The following PCNX2 variants were observed in gnomAD, a reference collection of about 807,000 sequenced individuals.
PCNX2 encodes the protein pecanex 2, also known as pecanex-like protein 2.
Under a neutral mutation model 223.8 loss-of-function variants are expected in PCNX2, and 168 were observed. The observed-to-expected ratio is 0.75, with a 90% CI of 0.66 to 0.85. The LOEUF (loss-of-function observed/expected upper bound fraction) is 0.85, where lower values mean the gene tolerates loss of function less well. Among genes scored for constraint, PCNX2 ranks in the 40% least tolerant of loss-of-function variants. The probability of loss-of-function intolerance (pLI) is 0.00; values close to 1 mark genes in which losing one functional copy is unlikely to be tolerated. For missense variants in PCNX2, 2,507 were observed against 2,675.5 expected (o/e 0.94, Z 1.39); for synonymous variants, 1,006 against 1,052.6 (o/e 0.96, Z 0.86).
rs905558909 is a variant in PCNX2, at chr1:233,261,956, A to G, written c.480+89T>C. On this transcript the variant is annotated intron_variant, in intron 3 of 33. Coordinates refer to ENST00000258229, the MANE Select transcript of PCNX2 (RefSeq NM_014801.4). Reference sequence around the variant, plus strand: ...GGCCAGTGATTACAGCATGCAAGCTACAATCACTGCTGCTGAACACTCCCA... The same window carrying G: ...GGCCAGTGATTACAGCATGCAAGCTGCAATCACTGCTGCTGAACACTCCCA... 9 of 1,545,582 alleles carry G rather than the reference A, an allele frequency of 5.8e-6. No homozygotes were observed. In the Admixed American group the frequency reaches 1.5e-4, roughly 26 times the overall value.
intron 23 of PCNX2, chr1:233,057,564 C>G: frequency 2.9e-6 from 1 of 345,320 alleles, no homozygotes; most frequent in Non-Finnish European, 5.4e-6. Context: ...AGCACCAGAT[C>G]TGCAAAATCA....
At chr1:233,122,113 GA>G (rs1675834241) in intron 21 of PCNX2, among the ~76,000 whole-genome samples, 1 of 111,890 alleles carries the variant, frequency 8.9e-6, no homozygotes, top group Non-Finnish European at 2.1e-5. Context: ...CACACAGAGG[GA>G]GAGAGAGAGA....
At chr1:233,284,749 C>T (rs1429698896) in intron 1 of PCNX2, among the ~76,000 whole-genome samples, 1 of 152,146 alleles carries the variant, frequency 6.6e-6, no homozygotes, top group Non-Finnish European at 1.5e-5. Flanking sequence ...TAGAATTGCA[C>T]TATCCTTCCC....
At chr1:233,277,621 G>A (rs1485873509) in intron 1 of PCNX2, among the ~76,000 whole-genome samples, 2 of 152,176 alleles carry the variant, frequency 1.3e-5, no homozygotes, top group Non-Finnish European at 2.9e-5. Flanking sequence ...TCCTATCTTG[G>A]CGTCAAGGCA....
chr1:233,125,400 G>A (rs1361583812), intron 21 of PCNX2, among the ~76,000 whole-genome samples: 1 of 152,190 alleles, frequency 6.6e-6, no homozygotes, highest in Admixed American at 6.5e-5. Flanking sequence ...ATCCTTTCAA[G>A]AGCATCCTCT....
chr1:233,002,697 T>A (rs1263552500), intron 28 of PCNX2, among the ~76,000 whole-genome samples: 2 of 152,070 alleles, frequency 1.3e-5, no homozygotes, highest in Non-Finnish European at 2.9e-5. Flanking sequence ...GTATAGCCAA[T>A]ACAATCCTAA....
chr1:233,069,808 T>C (rs11484500), intron 23 of PCNX2, among the ~76,000 whole-genome samples: 40,435 of 151,856 alleles, frequency 0.27, 7,012 homozygotes, highest in African/African-American at 0.49. Flanking sequence ...TCATAGTCTA[T>C]GGTCCCACCC....
intron 12 of PCNX2, among the ~76,000 whole-genome samples, chr1:233,214,747 T>G (rs979790347): frequency 1.3e-5 from 2 of 152,194 alleles, no homozygotes; most frequent in Non-Finnish European, 2.9e-5. Context: ...AGTATCCAAC[T>G]CCTAATCTTT....
chr1:233,262,887 G>A, intron 2 of PCNX2, 71 bp downstream of exon 2: 3 of 1,454,714 alleles, frequency 2.1e-6, no homozygotes, highest in Non-Finnish European at 2.9e-6. Flanking sequence ...CATAAACACT[G>A]ATAAAAAACT....
At chr1:233,012,277 C>T (rs1370273275) in intron 28 of PCNX2, among the ~76,000 whole-genome samples, 3 of 152,022 alleles carry the variant, frequency 2.0e-5, no homozygotes, top group East Asian at 3.8e-4. Context: ...AATAGAAATC[C>T]CAGCTGTTGG....
intron 21 of PCNX2, among the ~76,000 whole-genome samples, chr1:233,106,347 C>CTTTT (rs912803573): frequency 2.3e-4 from 27 of 115,686 alleles, no homozygotes; most frequent in African/African-American, 4.8e-4. Flanking sequence ...TCTCCTCCCT[C>CTTTT]TTTTTTTTTT....
intron 20 of PCNX2, among the ~76,000 whole-genome samples, chr1:233,135,845 A>G (rs946162861): frequency 6.6e-6 from 1 of 152,148 alleles, no homozygotes; most frequent in South Asian, 2.1e-4. Context: ...TTATATCATC[A>G]ATGTGTTTTT....
chr1:233,308,721 T>G, the PCNX2 span, among the ~76,000 whole-genome samples: 4 of 152,154 alleles, frequency 2.6e-5, no homozygotes, highest in African/African-American at 9.6e-5. Context: ...TAAATTAACA[T>G]GTTAAATTTA....
At chr1:233,222,178 G>C (rs1383975659) in intron 10 of PCNX2, among the ~76,000 whole-genome samples, 4 of 152,216 alleles carry the variant, frequency 2.6e-5, no homozygotes, top group African/African-American at 4.8e-5. Context: ...TAAGCTGGAG[G>C]ATTGCCTGGC....
At chr1:233,133,428 T>C (rs1676621108) in intron 21 of PCNX2, among the ~76,000 whole-genome samples, 2 of 152,144 alleles carry the variant, frequency 1.3e-5, no homozygotes, top group African/African-American at 2.4e-5. Context: ...AGGAAATAAA[T>C]GTTTGACCAA....
intron 17 of PCNX2, among the ~76,000 whole-genome samples, chr1:233,169,952 A>G (rs556099495): frequency 6.6e-6 from 1 of 152,022 alleles, no homozygotes; most frequent in East Asian, 1.9e-4. Flanking sequence ...TTTTTACTCA[A>G]TATATTGTAC....
intron 25 of PCNX2, among the ~76,000 whole-genome samples, chr1:233,026,629 A>G (rs1028583715): frequency 6.6e-6 from 1 of 152,180 alleles, no homozygotes; most frequent in Non-Finnish European, 1.5e-5. Flanking sequence ...TTCTGGATAC[A>G]TTTGAAAGCA....
upstream of PCNX2, among the ~76,000 whole-genome samples, chr1:233,296,590 A>G (rs1662139655): frequency 6.6e-6 from 1 of 152,204 alleles, no homozygotes; most frequent in Non-Finnish European, 1.5e-5. Context: ...GAAAGGGAAG[A>G]GATAAAAAGG....
chr1:233,010,407 C>G (rs1219180626), intron 28 of PCNX2, among the ~76,000 whole-genome samples: 3 of 152,192 alleles, frequency 2.0e-5, no homozygotes, highest in Non-Finnish European at 4.4e-5. Context: ...ATTTTCTATC[C>G]TCTTGGAAGC....
Sources: gnomAD v4.1 joint callset for allele counts (sites outside exome capture counted in the v4.1 genomes callset) on GRCh38, gnomAD v4.1.1 for gene constraint, MANE v1.5 for transcripts, NCBI Gene and HGNC (gene_info 2026-07-23, HGNC 2026-07-21) for gene names.